NRXN1: variants seen among roughly 807,000 people sequenced by gnomAD.
NRXN1 encodes neurexin 1, also known as neurexin-1.
In NRXN1, 39 loss-of-function variants were observed where a neutral mutation model predicts 150.9. The ratio of observed to expected loss-of-function variants is 0.26; its 90% CI spans 0.20 to 0.34. The LOEUF is 0.34. Among genes scored for constraint, NRXN1 ranks in the 10% least tolerant of loss-of-function variants. The pLI, the probability that NRXN1 is intolerant of heterozygous loss-of-function variation, is 1.00. For missense variants in NRXN1, 1,815 were observed against 1,949.9 expected, an observed-to-expected ratio of 0.93 and a Z score of 1.30; for synonymous variants, 924 against 757.0, an observed-to-expected ratio of 1.22 and a Z score of -3.62.
intron 21 of NRXN1, among the ~76,000 whole-genome samples, chr2:50,008,207 C>T (rs553075504): frequency 4.6e-5 from 7 of 152,094 alleles, no homozygotes; most frequent in Admixed American, 1.3e-4. Context: ...TTCCAAGTGA[C>T]TTGGGAGTAT....
chr2:51,018,008 C>T (rs188757834), intron 2 of NRXN1, among the ~76,000 whole-genome samples: 29 of 152,052 alleles, frequency 1.9e-4, no homozygotes, highest in African/African-American at 6.5e-4. Flanking sequence ...ATTTCCTTGT[C>T]TCCGCTGGAC....
intron 17 of NRXN1, among the ~76,000 whole-genome samples, chr2:50,311,717 A>G (rs1575039023): frequency 6.6e-6 from 1 of 152,154 alleles, no homozygotes; most frequent in Non-Finnish European, 1.5e-5. Context: ...TTATATAAAA[A>G]GTATTTGACT....
At chr2:50,798,899 C>T (rs1278483381) in intron 5 of NRXN1, among the ~76,000 whole-genome samples, 2 of 152,136 alleles carry the variant, frequency 1.3e-5, no homozygotes, top group Admixed American at 1.3e-4. Context: ...TACATAGGCA[C>T]TTGAGTTATT....
intron 9 of NRXN1, among the ~76,000 whole-genome samples, chr2:50,551,107 AG>A (rs1366432840): frequency 2.2e-3 from 91 of 40,968 alleles, no homozygotes; most frequent in African/African-American, 5.7e-3. Context: ...AGGAGGAGGG[AG>A]GGGGAGGGGG....
At chr2:50,647,986 T>A (rs935822838) in intron 5 of NRXN1, among the ~76,000 whole-genome samples, 2 of 152,002 alleles carry the variant, frequency 1.3e-5, no homozygotes, top group African/African-American at 4.8e-5. Flanking sequence ...TGATATCATG[T>A]ATTTATTTCC....
At chr2:50,479,605 G>C (rs991225330) in intron 15 of NRXN1, among the ~76,000 whole-genome samples, 4 of 140,640 alleles carry the variant, frequency 2.8e-5, no homozygotes, top group African/African-American at 1.1e-4. Context: ...TGAATGAATG[G>C]ATGAATTAGT....
chr2:49,928,355 A>T (rs1411966137), intron 22 of NRXN1, among the ~76,000 whole-genome samples: 1 of 152,068 alleles, frequency 6.6e-6, no homozygotes, highest in East Asian at 1.9e-4. Flanking sequence ...AATTAAGCTT[A>T]AAGTAATAGA....
At chr2:51,011,929 A>C (rs913160697) in intron 2 of NRXN1, among the ~76,000 whole-genome samples, 6 of 152,014 alleles carry the variant, frequency 3.9e-5, no homozygotes, top group African/African-American at 1.4e-4. Flanking sequence ...CTAAAATAGC[A>C]TAATATCAAT....
intron 18 of NRXN1, among the ~76,000 whole-genome samples, chr2:50,172,089 A>G (rs1434507238): frequency 6.6e-6 from 1 of 152,194 alleles, no homozygotes; most frequent in East Asian, 1.9e-4. Flanking sequence ...AGGCTCCTAA[A>G]AAAAACCTTT....
chr2:50,978,122 A>C (rs1394374038), intron 2 of NRXN1, among the ~76,000 whole-genome samples: 1 of 150,776 alleles, frequency 6.6e-6, no homozygotes, highest in East Asian at 1.9e-4. Flanking sequence ...CTGTTCCAAA[A>C]TATATATATT....
At chr2:50,715,894 T>TCATTTAC (rs893545133) in intron 5 of NRXN1, among the ~76,000 whole-genome samples, 1 of 152,176 alleles carries the variant, frequency 6.6e-6, no homozygotes, top group Non-Finnish European at 1.5e-5. Context: ...TTGCTGCCAC[T>TCATTTAC]CATTTACCAT....
intron 12 of NRXN1, among the ~76,000 whole-genome samples, chr2:50,515,842 T>A (rs760671507): frequency 2.0e-5 from 3 of 152,108 alleles, no homozygotes; most frequent in Non-Finnish European, 2.9e-5. Flanking sequence ...CACTGCTTGA[T>A]GCCTGAGTCA....
At chr2:49,980,560 G>A (rs913552545) in intron 21 of NRXN1, among the ~76,000 whole-genome samples, 5 of 152,172 alleles carry the variant, frequency 3.3e-5, no homozygotes, top group African/African-American at 1.2e-4. Flanking sequence ...TTAAGGGATA[G>A]TTTCCCATAT....
intron 2 of NRXN1, among the ~76,000 whole-genome samples, chr2:50,963,678 G>A (rs761449476): frequency 9.2e-5 from 14 of 151,514 alleles, no homozygotes; most frequent in Non-Finnish European, 1.8e-4. Context: ...AGCAAGATAC[G>A]GTGATTTTTC....
At chr2:50,478,333 T>A (rs1246451924) in intron 15 of NRXN1, among the ~76,000 whole-genome samples, 2 of 152,124 alleles carry the variant, frequency 1.3e-5, no homozygotes, top group African/African-American at 4.8e-5. Flanking sequence ...TAAACAAATA[T>A]AAACTTCTAT....
At position 50,027,392 on chromosome 2, in the gene NRXN1, T is replaced by C. The variant is rs111421331; in HGVS notation, c.4128+25879A>G. Among the ~76,000 whole-genome samples the C allele has an allele frequency of 3.2e-3, 201 of 62,080 alleles. 1 individual carries two copies. Among genetic ancestry groups the C allele is most frequent in the African/African-American group, 8.7e-3 (151 of 17,312 alleles). The allele number at this position is 62,080 out of a possible 152,430, so 40.7% of individuals were successfully genotyped here. A position where few individuals can be genotyped will look rare whatever the true frequency, so the allele number is the denominator to read the frequency against. On this transcript the variant is annotated intron_variant, in intron 21 of 22. Transcript: ENST00000401669. ...TTCCTTCCTTCCTTCCTCCCTCCCT[T>C]CCTTCCTTCCTCCCTCCCTCCCTCT...
intron 5 of NRXN1, among the ~76,000 whole-genome samples, chr2:50,627,394 T>C (rs76272913): frequency 0.18 from 21,161 of 115,806 alleles, 1,565 homozygotes; most frequent in Middle Eastern, 0.3. Flanking sequence ...TGTGTGTGTG[T>C]GCGCATACTA....
chr2:50,836,176 C>G (rs1185131958), intron 5 of NRXN1, among the ~76,000 whole-genome samples: 1 of 152,110 alleles, frequency 6.6e-6, no homozygotes, highest in Admixed American at 6.6e-5. Flanking sequence ...CGACGGTCGT[C>G]TGTAACCTCC....
chr2:50,956,392 C>A (rs900009178), intron 2 of NRXN1, among the ~76,000 whole-genome samples: 2 of 152,054 alleles, frequency 1.3e-5, no homozygotes, highest in Admixed American at 1.3e-4. Flanking sequence ...GGGGAGTAAT[C>A]GCTATACATA....
Sources: allele counts gnomAD v4.1 joint callset (sites outside exome capture counted in the v4.1 genomes callset), GRCh38; gene constraint gnomAD v4.1.1; transcripts MANE v1.5; gene names NCBI Gene and HGNC (gene_info 2026-07-23, HGNC 2026-07-21).